Variants in GNB1 observed in about 807,000 individuals in gnomAD.
GNB1 encodes guanine nucleotide-binding protein G(I)/G(S)/G(T) subunit beta-1.
In GNB1, 2 loss-of-function variants were observed where a neutral mutation model predicts 42.9. The ratio of observed to expected loss-of-function variants is 0.05; its 90% CI spans 0.02 to 0.15. The LOEUF is 0.15. GNB1 is among the 10% of genes least tolerant of loss of function. The pLI is 1.00. For synonymous variants in GNB1, 183 were observed against 174.7 expected, an observed-to-expected ratio of 1.05 and a Z score of -0.38; for missense variants, 193 against 462.2, an observed-to-expected ratio of 0.42 and a Z score of 5.34.
At chr1:1,806,248 G>C (rs1485438193) in intron 6 of GNB1, among the ~76,000 whole-genome samples, 1 of 152,188 alleles carries the variant, frequency 6.6e-6, no homozygotes, top group African/African-American at 2.4e-5. Context: ...GCTTGGTAAG[G>C]AGATGACGGA....
At chr1:1,808,356 G>C (rs1236649229) in intron 5 of GNB1, among the ~76,000 whole-genome samples, 1 of 152,036 alleles carries the variant, frequency 6.6e-6, no homozygotes, top group Non-Finnish European at 1.5e-5. Flanking sequence ...GCTCAGTTCG[G>C]AATCCACATG....
intron 1 of GNB1, among the ~76,000 whole-genome samples, chr1:1,853,761 G>A (rs1292540652): frequency 6.6e-6 from 1 of 152,130 alleles, no homozygotes; most frequent in Non-Finnish European, 1.5e-5. Flanking sequence ...CTAATGTCTA[G>A]GTTTGTTAGG....
At chr1:1,867,729 A>C (rs1048294402) in intron 1 of GNB1, among the ~76,000 whole-genome samples, 1 of 152,162 alleles carries the variant, frequency 6.6e-6, no homozygotes, top group African/African-American at 2.4e-5. Flanking sequence ...CCAAACAGGC[A>C]TCTTTTGCTG....
intron 9 of GNB1, among the ~76,000 whole-genome samples, chr1:1,789,979 A>C (rs993601215): frequency 2.0e-5 from 3 of 152,232 alleles, no homozygotes; most frequent in African/African-American, 4.8e-5. Flanking sequence ...TGTCCAACCA[A>C]CAGATACATC....
chr1:1,861,251 C>T (rs1399433282), intron 1 of GNB1, among the ~76,000 whole-genome samples: 2 of 151,972 alleles, frequency 1.3e-5, no homozygotes, highest in African/African-American at 4.8e-5. Context: ...GAAGCCAGGA[C>T]TTGGAGCCCA....
chr1:1,838,112 A>C (rs978860084), intron 2 of GNB1, among the ~76,000 whole-genome samples: 1 of 152,010 alleles, frequency 6.6e-6, no homozygotes, highest in East Asian at 2.0e-4. Context: ...CTGAGACAGG[A>C]GAATGGCTTG....
At chr1:1,799,985 G>C (rs1313268666) in intron 7 of GNB1, among the ~76,000 whole-genome samples, 1 of 152,236 alleles carries the variant, frequency 6.6e-6, no homozygotes, top group Admixed American at 6.5e-5. Context: ...GCGCAGAAAA[G>C]CTGAACAGAG....
intron 2 of GNB1, among the ~76,000 whole-genome samples, chr1:1,825,767 A>C (rs2100995978): frequency 6.6e-6 from 1 of 151,996 alleles, no homozygotes; most frequent in African/African-American, 2.4e-5. Flanking sequence ...TGGGAGGCTG[A>C]GGCAGGAGAA....
intron 1 of GNB1, among the ~76,000 whole-genome samples, chr1:1,850,803 T>C (rs540245448): frequency 6.6e-6 from 1 of 152,304 alleles, no homozygotes; most frequent in African/African-American, 2.4e-5. Context: ...TAATTTTTTA[T>C]TGAATTATCA....
intron 7 of GNB1, 38 bp downstream of exon 7, chr1:1,804,381 G>C: frequency 6.7e-7 from 1 of 1,501,420 alleles, no homozygotes; most frequent in South Asian, 1.1e-5. Flanking sequence ...CAGGTAAACA[G>C]CTTGTGTCAC....
At chr1:1,788,967 C>T (rs1646443200) in intron 10 of GNB1, 86 bp downstream of exon 10, 2 of 969,508 alleles carry the variant, frequency 2.1e-6, no homozygotes, top group Admixed American at 1.9e-5. Context: ...TACTAAAACA[C>T]TGCAGCTTAT....
At chr1:1,837,832 G>C (rs1278653006) in intron 2 of GNB1, among the ~76,000 whole-genome samples, 1 of 151,652 alleles carries the variant, frequency 6.6e-6, no homozygotes, top group African/African-American at 2.4e-5. Context: ...CAAAATGCTG[G>C]GATTACAGGT....
chr1:1,854,643 A>C (rs2101567994), intron 1 of GNB1, among the ~76,000 whole-genome samples: 1 of 152,338 alleles, frequency 6.6e-6, no homozygotes, highest in South Asian at 2.1e-4. Flanking sequence ...GCATTGGCTC[A>C]TGCCTGTAAT....
chr1:1,820,996 C>T (rs1646923954), intron 3 of GNB1, among the ~76,000 whole-genome samples: 1 of 152,168 alleles, frequency 6.6e-6, no homozygotes, highest in African/African-American at 2.4e-5. Flanking sequence ...GATTAATTTC[C>T]AGTTTAATGG....
intron 6 of GNB1, among the ~76,000 whole-genome samples, chr1:1,804,922 G>A (rs1040305917): frequency 3.3e-5 from 5 of 152,156 alleles, no homozygotes; most frequent in Admixed American, 2.6e-4. Flanking sequence ...CACTTTGGGA[G>A]GCTAAGTCGG....
chr1:1,868,325 G>A (rs1264027719), intron 1 of GNB1, among the ~76,000 whole-genome samples: 1 of 152,148 alleles, frequency 6.6e-6, no homozygotes, highest in Non-Finnish European at 1.5e-5. Flanking sequence ...ACAGGCATGA[G>A]CCACCACATC....
intron 1 of GNB1, among the ~76,000 whole-genome samples, chr1:1,863,050 C>T (rs1404251977): frequency 6.6e-6 from 1 of 152,184 alleles, no homozygotes; most frequent in African/African-American, 2.4e-5. Context: ...GTCTGACCCT[C>T]AGCACTGTGG....
intron 1 of GNB1, among the ~76,000 whole-genome samples, chr1:1,844,762 G>C (rs944846158): frequency 2.0e-5 from 3 of 152,154 alleles, no homozygotes; most frequent in Non-Finnish European, 4.4e-5. Context: ...CACATTCAGG[G>C]TGAGCAGTCT....
intron 1 of GNB1, among the ~76,000 whole-genome samples, chr1:1,867,872 CAACT>C (rs1649031004): frequency 6.6e-6 from 1 of 152,284 alleles, no homozygotes; most frequent in East Asian, 1.9e-4. Context: ...CATCCATTCC[CAACT>C]GATTGTAAAT....
Sources: allele counts gnomAD v4.1 joint callset (sites outside exome capture counted in the v4.1 genomes callset), GRCh38; gene constraint gnomAD v4.1.1; transcripts MANE v1.5; gene names NCBI Gene and HGNC (gene_info 2026-07-23, HGNC 2026-07-21).